The following CACNA1E variants were observed in gnomAD, a reference collection of about 807,000 sequenced individuals.
CACNA1E encodes calcium voltage-gated channel subunit alpha1 E.
A neutral mutation model predicts 259.2 loss-of-function variants in CACNA1E; 40 were observed. The ratio of observed to expected loss-of-function variants is 0.15; its 90% CI spans 0.12 to 0.20. The LOEUF is 0.20. CACNA1E is among the 10% of genes least tolerant of loss of function. The pLI, the probability that CACNA1E is intolerant of heterozygous loss-of-function variation, is 1.00. For synonymous variants in CACNA1E, 1,104 were observed against 1,138.5 expected (o/e 0.97, Z 0.61); for missense variants, 1,874 against 3,040.1 (o/e 0.62, Z 9.02).
chr1:181,385,021 G>A (rs1168463255), intron 1 of CACNA1E, among the ~76,000 whole-genome samples: 1 of 151,998 alleles, frequency 6.6e-6, no homozygotes, highest in African/African-American at 2.4e-5. Flanking sequence ...CCTAGATTTT[G>A]CCCTGATGTC....
At chr1:181,743,727 A>T (rs935843590) in intron 25 of CACNA1E, among the ~76,000 whole-genome samples, 1 of 151,954 alleles carries the variant, frequency 6.6e-6, no homozygotes, top group Non-Finnish European at 1.5e-5. Flanking sequence ...CAGGACTCTC[A>T]CCCTCTCCAT....
rs1280151778 is a variant in CACNA1E at position 181,807,237 on chromosome 1, G to A, written c.*8403G>A. ...AAGAGAAAAACAGATTTTCTAATCA[G>A]GACATTGTCCTGATCTGCAAGCGAG... On this transcript the variant is annotated 3_prime_UTR_variant, in exon 48 of 48. Coordinates refer to ENST00000367573, the MANE Select transcript of CACNA1E (RefSeq NM_001205293.3). 2.6e-5 allele frequency: 4 copies of A among 151,940 alleles called. No individual in the cohort carries two copies. The East Asian group carries it at 7.8e-4, about 29-fold the overall frequency. 9.4% of individuals were successfully genotyped at this position (151,940 alleles called of 1,614,324 possible). A position where few individuals can be genotyped will look rare whatever the true frequency, so the allele number is the denominator to read the frequency against.
intron 2 of CACNA1E, among the ~76,000 whole-genome samples, chr1:181,475,971 G>C (rs1337819490): frequency 6.6e-6 from 1 of 152,110 alleles, no homozygotes. Flanking sequence ...AGAGGAAAGG[G>C]GTTGGGGACA....
At chr1:181,322,171 A>T (rs944574941) in intron 1 of CACNA1E, among the ~76,000 whole-genome samples, 1 of 152,176 alleles carries the variant, frequency 6.6e-6, no homozygotes, top group Non-Finnish European at 1.5e-5. Flanking sequence ...AGTAGATGAG[A>T]TGCTGGCATA....
intron 3 of CACNA1E, among the ~76,000 whole-genome samples, chr1:181,561,524 G>A (rs1159858824): frequency 6.6e-6 from 1 of 152,106 alleles, no homozygotes; most frequent in Non-Finnish European, 1.5e-5. Flanking sequence ...TTTCTAGAAT[G>A]TCATAAATGG....
intron 3 of CACNA1E, among the ~76,000 whole-genome samples, chr1:181,517,647 C>A (rs971186750): frequency 2.0e-5 from 3 of 151,754 alleles, no homozygotes; most frequent in Non-Finnish European, 2.9e-5. Context: ...AGAGGAGAGC[C>A]AGGGAGTGCT....
At chr1:181,494,981 T>C (rs185670355) in intron 1 of CACNA1E, among the ~76,000 whole-genome samples, 2 of 152,380 alleles carry the variant, frequency 1.3e-5, no homozygotes, top group East Asian at 3.9e-4. Context: ...TGTAAAAATA[T>C]TGTACGCGAT....
intron 1 of CACNA1E, among the ~76,000 whole-genome samples, chr1:181,330,439 A>G (rs1027639426): frequency 2.0e-5 from 3 of 152,110 alleles, no homozygotes; most frequent in Admixed American, 6.5e-5. Flanking sequence ...TGTGCTGGGC[A>G]TAAGTGGAGG....
chr1:181,528,309 C>T (rs925924414), intron 3 of CACNA1E, among the ~76,000 whole-genome samples: 3 of 150,362 alleles, frequency 2.0e-5, no homozygotes, highest in Non-Finnish European at 4.4e-5. Flanking sequence ...GTTTCACCTC[C>T]TGCCATTATT....
At chr1:181,372,635 T>C (rs949397158) in intron 1 of CACNA1E, among the ~76,000 whole-genome samples, 1 of 152,052 alleles carries the variant, frequency 6.6e-6, no homozygotes, top group East Asian at 1.9e-4. Flanking sequence ...CAGTACTAAA[T>C]TGAGTAGGAG....
chr1:181,685,041 A>G (rs1003067633), intron 7 of CACNA1E, among the ~76,000 whole-genome samples: 1 of 152,040 alleles, frequency 6.6e-6, no homozygotes, highest in East Asian at 1.9e-4. Context: ...AAGTTTTTCA[A>G]ACTGTAAAGT....
chr1:181,623,727 AC>A (rs1314263627), intron 6 of CACNA1E, among the ~76,000 whole-genome samples: 3 of 152,200 alleles, frequency 2.0e-5, no homozygotes, highest in Non-Finnish European at 4.4e-5. Flanking sequence ...TGTCAAAAAA[AC>A]ATATCTACAT....
At chr1:181,348,416 C>T (rs1055680762) in intron 1 of CACNA1E, among the ~76,000 whole-genome samples, 1 of 152,138 alleles carries the variant, frequency 6.6e-6, no homozygotes, top group Non-Finnish European at 1.5e-5. Flanking sequence ...CCCCATTTCA[C>T]AGTCAAAGAA....
intron 3 of CACNA1E, among the ~76,000 whole-genome samples, chr1:181,552,253 T>A (rs911882778): frequency 6.6e-6 from 1 of 152,214 alleles, no homozygotes; most frequent in Admixed American, 6.5e-5. Context: ...ATACAAAGGC[T>A]GTGATTCTCT....
chr1:181,669,376 G>A lies in CACNA1E; in HGVS notation c.1055+17935G>A, dbSNP rs372865720. ...CCTGGCCACACGGCTCACTGTTCCC[G>A]GATTTCCCAGGTAATCACTTCTTTG... is the stretch of plus-strand genomic sequence containing the variant. On this transcript the variant is annotated intron_variant, in intron 7 of 47. Transcript: ENST00000367573. 1.5e-3 allele frequency among the ~76,000 whole-genome samples: 221 copies of A among 152,164 alleles called. 1 individual carries two copies. The highest frequency in any genetic ancestry group is 5.0e-3 in the African/African-American group (206 of 41,512).
chr1:181,582,922 T>C (rs1651683778), intron 6 of CACNA1E, among the ~76,000 whole-genome samples: 1 of 152,116 alleles, frequency 6.6e-6, no homozygotes, highest in Admixed American at 6.5e-5. Context: ...TTGAAACCTT[T>C]TATTGCATGG....
chr1:181,429,136 C>G (rs916673704), intron 2 of CACNA1E, among the ~76,000 whole-genome samples: 2 of 152,036 alleles, frequency 1.3e-5, no homozygotes, highest in African/African-American at 4.8e-5. Context: ...CAACCGAGAT[C>G]ACAACACTGC....
At chr1:181,549,845 A>G (rs1206543888) in intron 3 of CACNA1E, among the ~76,000 whole-genome samples, 3 of 152,168 alleles carry the variant, frequency 2.0e-5, no homozygotes, top group African/African-American at 7.2e-5. Context: ...GGAGTGGAGC[A>G]TGGCGGAGAG....
At chr1:181,563,197 G>T (rs1434282485) in intron 3 of CACNA1E, among the ~76,000 whole-genome samples, 1 of 152,158 alleles carries the variant, frequency 6.6e-6, no homozygotes, top group Non-Finnish European at 1.5e-5. Context: ...CAAGTATGGG[G>T]AACTGGGTAT....
Sources: allele counts gnomAD v4.1 joint callset (sites outside exome capture counted in the v4.1 genomes callset), GRCh38; gene constraint gnomAD v4.1.1; transcripts MANE v1.5; gene names NCBI Gene and HGNC (gene_info 2026-07-23, HGNC 2026-07-21).